The following TP63 variants were observed in gnomAD, a reference collection of about 807,000 sequenced individuals.
The protein encoded by TP63 is tumor protein 63.
TP63 carries 17 observed loss-of-function variants against 82.8 expected under a neutral mutation model. The observed-to-expected ratio is 0.21, with a 90% confidence interval of 0.14 to 0.31. The LOEUF (loss-of-function observed/expected upper bound fraction) is 0.31, where lower values mean the gene tolerates loss of function less well. Ranked by LOEUF, TP63 falls within the 10% of genes least tolerant of loss-of-function variation. The pLI is 1.00. For missense variants in TP63, 648 were observed against 895.3 expected (o/e 0.72, Z 3.52); for synonymous variants, 330 against 321.7 (o/e 1.03, Z -0.28).
rs761674268 is a variant in TP63, at chr3:189,864,252, A to G, written c.600A>G (p.Lys200=). 34 of 1,613,778 alleles carry G rather than the reference A, an allele frequency of 2.1e-5. No homozygotes were observed. The highest frequency in any genetic ancestry group is 1.3e-5 in the African/African-American group (1 of 74,798). ...AGCAGTATTCCACTGAACTGAAGAA[A>G]CTCTACTGCCAAATTGCAAAGACAT... ...ATWTYSTELK[K]LYCQIAKTCP... Residue 200 remains lysine (K), a synonymous_variant, in exon 5 of 14, where the codon AAA becomes AAG. Coordinates refer to ENST00000264731, the MANE Select transcript of TP63 (RefSeq NM_003722.5).
chr3:189,775,439 A>G (rs936573350), intron 3 of TP63, among the ~76,000 whole-genome samples: 13 of 152,106 alleles, frequency 8.5e-5, no homozygotes, highest in Admixed American at 2.0e-4. Context: ...TCAGTATAAG[A>G]TGAAAACCAC....
chr3:189,700,344 C>G (rs1322083054), intron 1 of TP63, among the ~76,000 whole-genome samples: 1 of 152,178 alleles, frequency 6.6e-6, no homozygotes, highest in East Asian at 1.9e-4. Context: ...TCAGTTTCAA[C>G]AAACACTTAC....
intron 1 of TP63, among the ~76,000 whole-genome samples, chr3:189,696,142 A>G (rs774666191): frequency 3.3e-5 from 5 of 152,138 alleles, no homozygotes; most frequent in Non-Finnish European, 7.4e-5. Context: ...TGTATCCACC[A>G]TGAATATACC....
At chr3:189,766,794 C>G (rs372719563) in intron 3 of TP63, among the ~76,000 whole-genome samples, 2 of 152,296 alleles carry the variant, frequency 1.3e-5, no homozygotes, top group East Asian at 3.9e-4. Context: ...CACTTTGAAA[C>G]AGCAACAGTA....
At chr3:189,791,484 A>C (rs187728623) in intron 3 of TP63, among the ~76,000 whole-genome samples, 1 of 152,268 alleles carries the variant, frequency 6.6e-6, no homozygotes, top group East Asian at 1.9e-4. Flanking sequence ...TGGCATGCTT[A>C]TGAAAGAAAA....
intron 1 of TP63, among the ~76,000 whole-genome samples, chr3:189,700,293 T>C (rs1289004873): frequency 6.6e-6 from 1 of 152,118 alleles, no homozygotes; most frequent in Non-Finnish European, 1.5e-5. Flanking sequence ...TCTTAAGTAA[T>C]ACAGGCATTA....
intron 3 of TP63, among the ~76,000 whole-genome samples, chr3:189,751,343 G>T (rs1421570874): frequency 1.3e-5 from 2 of 152,178 alleles, no homozygotes. Context: ...CCAGTAATGG[G>T]ACCGCTGGGT....
chr3:189,726,789 A>G (rs1288975569), intron 1 of TP63, among the ~76,000 whole-genome samples: 2 of 152,218 alleles, frequency 1.3e-5, no homozygotes, highest in African/African-American at 4.8e-5. Context: ...TAATGGTCCA[A>G]GAGAAAGTTT....
intron 1 of TP63, among the ~76,000 whole-genome samples, chr3:189,687,530 T>G (rs1192404815): frequency 6.6e-6 from 1 of 152,196 alleles, no homozygotes; most frequent in Non-Finnish European, 1.5e-5. Context: ...GTAGTCTCCT[T>G]TTGTAATTTC....
intron 1 of TP63, among the ~76,000 whole-genome samples, chr3:189,664,568 C>T (rs918853852): frequency 3.9e-5 from 6 of 152,028 alleles, no homozygotes; most frequent in Non-Finnish European, 7.4e-5. Flanking sequence ...AGACTTCTGG[C>T]CTTAGTTGAT....
intron 3 of TP63, among the ~76,000 whole-genome samples, chr3:189,790,577 A>G (rs552641665): frequency 7.4e-6 from 1 of 134,296 alleles, no homozygotes; most frequent in South Asian, 2.3e-4. Flanking sequence ...AAACCTGTGC[A>G]AAGGGATAAA....
intron 3 of TP63, among the ~76,000 whole-genome samples, chr3:189,789,235 G>A (rs1333292576): frequency 6.6e-6 from 1 of 152,072 alleles, no homozygotes; most frequent in East Asian, 1.9e-4. Context: ...CTAACTTTGT[G>A]TAATCATTCT....
chr3:189,601,604 G>A, the TP63 span, among the ~76,000 whole-genome samples: 2 of 152,172 alleles, frequency 1.3e-5, no homozygotes, highest in Non-Finnish European at 2.9e-5. Flanking sequence ...GAACATTGAA[G>A]TGATACTTGT....
the TP63 span, among the ~76,000 whole-genome samples, chr3:189,607,441 A>G: frequency 3.9e-5 from 6 of 152,162 alleles, no homozygotes; most frequent in Non-Finnish European, 7.4e-5. Flanking sequence ...TTAATAGAAA[A>G]AGGTTATTTG....
intron 12 of TP63, among the ~76,000 whole-genome samples, chr3:189,889,715 T>C (rs532612405): frequency 9.8e-5 from 15 of 152,322 alleles, no homozygotes; most frequent in Non-Finnish European, 1.8e-4. Context: ...GCATATTGTT[T>C]TCATGTCTGT....
rs868333907 is a variant in TP63 at position 189,875,619 on chromosome 3, T to C, written c.1349+2624T>C. On this transcript the variant is annotated intron_variant, in intron 10 of 13. Transcript: ENST00000264731. Reference sequence around the variant, plus strand: ...ATATATATATATATATATATATATATATATATATATATATATATAAACTAT... The same window carrying C: ...ATATATATATATATATATATATATACATATATATATATATATATAAACTAT... Among the ~76,000 whole-genome samples, 27 of 103,322 alleles carry C rather than the reference T, an allele frequency of 2.6e-4. 1 individual carries two copies. The highest frequency in any genetic ancestry group is 7.8e-4 in the African/African-American group (20 of 25,798). The allele number at this position is 103,322 out of a possible 152,430, so 67.8% of individuals were successfully genotyped here.
chr3:189,624,493 A>C, the TP63 span, among the ~76,000 whole-genome samples: 3 of 152,202 alleles, frequency 2.0e-5, no homozygotes, highest in Non-Finnish European at 2.9e-5. Context: ...GGGGTTGAAC[A>C]GAATCTTTAA....
intron 1 of TP63, among the ~76,000 whole-genome samples, chr3:189,687,861 A>T (rs1459317746): frequency 6.6e-6 from 1 of 152,212 alleles, no homozygotes; most frequent in Non-Finnish European, 1.5e-5. Context: ...ATACCTGTTA[A>T]ATAACAGAAT....
chr3:189,776,049 G>A (rs987819359), intron 3 of TP63, among the ~76,000 whole-genome samples: 7 of 152,120 alleles, frequency 4.6e-5, no homozygotes, highest in Non-Finnish European at 1.0e-4. Context: ...TAGCCCAGGA[G>A]GTTCAGATTA....
Sources: gnomAD v4.1 joint callset for allele counts (sites outside exome capture counted in the v4.1 genomes callset) on GRCh38, gnomAD v4.1.1 for gene constraint, MANE v1.5 for transcripts, NCBI Gene and HGNC (gene_info 2026-07-23, HGNC 2026-07-21) for gene names.